Variants in ERC2 observed in about 807,000 individuals in gnomAD.
The protein encoded by ERC2 is ERC protein 2.
ERC2 carries 42 observed loss-of-function variants against 114.8 expected under a neutral mutation model. The observed-to-expected ratio is 0.37, with a 90% CI of 0.29 to 0.47. The LOEUF is 0.47. Among genes scored for constraint, ERC2 ranks in the 20% least tolerant of loss-of-function variants. The pLI, the probability that ERC2 is intolerant of heterozygous loss-of-function variation, is 0.99. For missense variants in ERC2, 939 were observed against 1,150.7 expected (o/e 0.82, Z 2.66); for synonymous variants, 454 against 425.5 (o/e 1.07, Z -0.82).
chr3:55,576,143 C>T (rs1210190310), intron 17 of ERC2, among the ~76,000 whole-genome samples: 1 of 151,882 alleles, frequency 6.6e-6, no homozygotes, highest in Admixed American at 6.6e-5. Flanking sequence ...AACCCTATCT[C>T]CACTAAAAAT....
In ERC2 at chr3:56,435,106, TC is replaced by T; in HGVS notation, c.-100del. On this transcript the variant is annotated 5_prime_UTR_variant, in exon 2 of 18. The change abolishes the stop of an existing upstream ORF in the 5' untranslated region. Coordinates refer to ENST00000288221, the MANE Select transcript of ERC2 (RefSeq NM_015576.3). ...CGATTGTCCAGAATTTTCACCGCATTCTTTTCACAGTCCGTACCAGAAAATA... is the reference window on the plus strand; with the variant it reads ...CGATTGTCCAGAATTTTCACCGCATTTTTTCACAGTCCGTACCAGAAAATA... 1 of 873,830 alleles carries T rather than the reference TC, an allele frequency of 1.1e-6. No individual in the cohort carries two copies. Among genetic ancestry groups the T allele is most frequent in the Non-Finnish European group, 1.7e-6 (1 of 582,438 alleles). 54.1% of individuals were successfully genotyped at this position (873,830 alleles called of 1,614,324 possible).
intron 17 of ERC2, among the ~76,000 whole-genome samples, chr3:55,680,758 T>C (rs1231308088): frequency 6.6e-6 from 1 of 151,962 alleles, no homozygotes; most frequent in Admixed American, 6.6e-5. Flanking sequence ...CCCAGAACAA[T>C]GAGGCTGGCC....
At chr3:55,572,901 C>T (rs2056794369) in intron 17 of ERC2, among the ~76,000 whole-genome samples, 1 of 152,222 alleles carries the variant, frequency 6.6e-6, no homozygotes, top group African/African-American at 2.4e-5. Flanking sequence ...ATCAACACTT[C>T]TAACAACACT....
chr3:55,697,969 G>T (rs2063022972), intron 16 of ERC2, among the ~76,000 whole-genome samples: 1 of 152,048 alleles, frequency 6.6e-6, no homozygotes, highest in African/African-American at 2.4e-5. Flanking sequence ...GCAGGCAGAG[G>T]TGGGGAGGTG....
chr3:56,140,025 A>G (rs970594436), intron 5 of ERC2, among the ~76,000 whole-genome samples: 2 of 152,222 alleles, frequency 1.3e-5, no homozygotes, highest in African/African-American at 4.8e-5. Flanking sequence ...AGGAGAGTCA[A>G]TAGGGATCTA....
chr3:55,614,223 A>G (rs191339585), intron 17 of ERC2, among the ~76,000 whole-genome samples: 207 of 152,278 alleles, frequency 1.4e-3, no homozygotes, highest in Middle Eastern at 3.4e-3. Flanking sequence ...AGGAAAAACA[A>G]AAGTTTTAAA....
chr3:56,369,960 C>T (rs2059301633), intron 2 of ERC2, among the ~76,000 whole-genome samples: 2 of 152,184 alleles, frequency 1.3e-5, no homozygotes, highest in South Asian at 4.1e-4. Context: ...TAGGCATGAG[C>T]CACCACGCCC....
At chr3:56,271,501 C>T (rs1384952826) in intron 3 of ERC2, among the ~76,000 whole-genome samples, 6 of 152,124 alleles carry the variant, frequency 3.9e-5, no homozygotes, top group African/African-American at 7.2e-5. Context: ...ATAACAGAAC[C>T]TTACACAAGG....
intron 17 of ERC2, among the ~76,000 whole-genome samples, chr3:55,670,051 A>G (rs1495357): frequency 0.64 from 98,094 of 152,132 alleles, 31,734 homozygotes; most frequent in Admixed American, 0.69. Context: ...ACTAGCACTG[A>G]GCTCGCATTT....
chr3:56,290,499 T>C (rs2055012598), intron 3 of ERC2, among the ~76,000 whole-genome samples: 1 of 152,176 alleles, frequency 6.6e-6, no homozygotes, highest in African/African-American at 2.4e-5. Context: ...TGGGAATAGT[T>C]TCTGTAATTA....
At chr3:56,383,257 G>A (rs1290884102) in intron 2 of ERC2, among the ~76,000 whole-genome samples, 2 of 151,870 alleles carry the variant, frequency 1.3e-5, no homozygotes, top group African/African-American at 4.8e-5. Context: ...ACATCCCATC[G>A]CCCTTCTATT....
chr3:55,749,462 G>C (rs989101241), intron 14 of ERC2, among the ~76,000 whole-genome samples: 7 of 152,106 alleles, frequency 4.6e-5, no homozygotes, highest in Admixed American at 4.6e-4. Flanking sequence ...GGTTGAGTGG[G>C]GACTTGGGGA....
At chr3:56,012,946 A>G (rs1181144842) in intron 8 of ERC2, among the ~76,000 whole-genome samples, 1 of 152,162 alleles carries the variant, frequency 6.6e-6, no homozygotes. Context: ...CACAGGTCTA[A>G]TCTATTTGTG....
At chr3:55,846,618 C>G (rs964491540) in intron 14 of ERC2, among the ~76,000 whole-genome samples, 1 of 151,644 alleles carries the variant, frequency 6.6e-6, no homozygotes, top group Non-Finnish European at 1.5e-5. Context: ...CCACCAACAG[C>G]GTATAAGTGT....
At chr3:55,642,635 C>T (rs75070812) in intron 17 of ERC2, among the ~76,000 whole-genome samples, 8 of 152,142 alleles carry the variant, frequency 5.3e-5, no homozygotes, top group African/African-American at 1.4e-4. Context: ...AACCAGATCG[C>T]AGCTTTAATT....
At chr3:56,308,508 G>C (rs917052225) in intron 2 of ERC2, among the ~76,000 whole-genome samples, 1 of 152,124 alleles carries the variant, frequency 6.6e-6, no homozygotes. Context: ...AAGGTAACTA[G>C]AATGAAAATA....
chr3:56,033,666 G>GT (rs1173356487), intron 7 of ERC2, among the ~76,000 whole-genome samples: 3 of 152,150 alleles, frequency 2.0e-5, no homozygotes, highest in East Asian at 1.9e-4. Flanking sequence ...TGGTTGGCAG[G>GT]TTTTTTTCTT....
At chr3:55,635,682 C>T (rs538345201) in intron 17 of ERC2, among the ~76,000 whole-genome samples, 110 of 151,972 alleles carry the variant, frequency 7.2e-4, no homozygotes, top group Non-Finnish European at 1.2e-3. Context: ...TGAGCCACTG[C>T]GCCCAGCCTC....
At position 55,962,975 on chromosome 3, in the gene ERC2, C is replaced by T. The variant is rs193123678; in HGVS notation, c.2268-12415G>A. On this transcript the variant is annotated intron_variant, in intron 12 of 17. Transcript: ENST00000288221. ...ACACACCACTCCAAACTTCACAGGACGCCCCTGGCCAGTAGCTTGGTTGAC... is the reference window on the plus strand; with the variant it reads ...ACACACCACTCCAAACTTCACAGGATGCCCCTGGCCAGTAGCTTGGTTGAC... Among the ~76,000 whole-genome samples, 543 of 152,302 alleles carry T rather than the reference C, an allele frequency of 3.6e-3. 3 individuals are homozygous for T. Among genetic ancestry groups the T allele is most frequent in the Non-Finnish European group, 4.8e-3 (328 of 68,026 alleles).
Sources: allele counts gnomAD v4.1 joint callset (sites outside exome capture counted in the v4.1 genomes callset), GRCh38; gene constraint gnomAD v4.1.1; transcripts MANE v1.5; gene names NCBI Gene and HGNC (gene_info 2026-07-23, HGNC 2026-07-21).